Variants in PARP16 observed in about 807,000 individuals in gnomAD.
PARP16 encodes protein mono-ADP-ribosyltransferase PARP16.
A neutral mutation model predicts 35.0 loss-of-function variants in PARP16; 31 were observed. That is an observed-to-expected ratio of 0.88 (90% CI 0.66 to 1.19). The LOEUF (loss-of-function observed/expected upper bound fraction) is 1.19. Among genes scored for constraint, PARP16 ranks in the 50% most tolerant of loss-of-function variants. The pLI is 0.00. For synonymous variants in PARP16, 162 were observed against 169.5 expected, an observed-to-expected ratio of 0.96 and a Z score of 0.34; for missense variants, 424 against 411.2, an observed-to-expected ratio of 1.03 and a Z score of -0.27.
chr15:65,244,749 T>A (rs566352102), intron 3 of PARP16, among the ~76,000 whole-genome samples: 12 of 152,378 alleles, frequency 7.9e-5, no homozygotes. Context: ...AAGTGTTCAA[T>A]GACTATTTGT....
rs1288970234 is a variant in PARP16 at position 65,268,370 on chromosome 15, A to AGTGGGGCTGGATGAGT, written c.313-1603_313-1602insACTCATCCAGCCCCAC. Among the ~76,000 whole-genome samples the AGTGGGGCTGGATGAGT allele has an allele frequency of 8.5e-4, 130 of 152,302 alleles. 1 individual carries two copies. The East Asian group carries it at 0.019, about 23-fold the overall frequency. ...AGCTGAAGCCCCAGAAATGTAAGTGAGGCCACCCTAGCTCATCCAGCCAAG... is the reference window on the plus strand; with the variant it reads ...AGCTGAAGCCCCAGAAATGTAAGTGAGTGGGGCTGGATGAGTGGCCACCCTAGCTCATCCAGCCAAG... On this transcript the variant is annotated intron_variant, in intron 2 of 5. Transcript: ENST00000649807.
chr15:65,257,453 GAAATA>G (rs1056902277), downstream of PARP16, among the ~76,000 whole-genome samples: 7 of 148,706 alleles, frequency 4.7e-5, no homozygotes, highest in African/African-American at 1.5e-4. Flanking sequence ...ATTTAAGAAA[GAAATA>G]AAATAAAAAT....
intron 1 of PARP16, among the ~76,000 whole-genome samples, chr15:65,280,110 T>C (rs886200641): frequency 2.6e-5 from 4 of 151,908 alleles, no homozygotes; most frequent in African/African-American, 2.4e-5. Flanking sequence ...CAATTTCCAA[T>C]ATGGAAATAA....
chr15:65,284,388 G>A (rs1016500108), intron 1 of PARP16, among the ~76,000 whole-genome samples: 1 of 126,918 alleles, frequency 7.9e-6, no homozygotes, highest in Non-Finnish European at 1.6e-5. Flanking sequence ...TGTTGCCCAG[G>A]CTGGAGTGCA....
Position 65,266,555 on chromosome 15 carries a change from G to A in PARP16, c.519+7C>T. The stretch of plus-strand genomic sequence containing the variant: ...CCCACATCAGCAGGGTGTCCCTTAG[G>A]CCCCACCTTGTTCAGATGGCAGTGC... On this transcript the variant is annotated splice_region_variant and intron_variant, in intron 3 of 5. Coordinates refer to ENST00000649807, the MANE Select transcript of PARP16 (RefSeq NM_001316943.2). 5 of 1,609,384 alleles carry A rather than the reference G, an allele frequency of 3.1e-6. No homozygotes were observed. The highest frequency in any genetic ancestry group is 4.3e-6 in the Non-Finnish European group (5 of 1,175,794).
At chr15:65,263,900 C>G (rs1040095470) in intron 3 of PARP16, among the ~76,000 whole-genome samples, 5 of 152,118 alleles carry the variant, frequency 3.3e-5, no homozygotes, top group African/African-American at 1.2e-4. Context: ...TGCAAAGTCA[C>G]ACCCTTAGGT....
At chr15:65,284,076 AAAG>A (rs1221224297) in intron 1 of PARP16, among the ~76,000 whole-genome samples, 2 of 152,308 alleles carry the variant, frequency 1.3e-5, no homozygotes, top group South Asian at 4.1e-4. Context: ...GAATGATAGC[AAAG>A]GAGGAACCAA....
chr15:65,248,541 G>T (rs559460268), intron 2 of PARP16, among the ~76,000 whole-genome samples: 2 of 152,084 alleles, frequency 1.3e-5, no homozygotes, highest in African/African-American at 4.8e-5. Context: ...ACTTTCTACC[G>T]AGGAACAGCT....
At chr15:65,250,221 G>A (rs567305639) in intron 2 of PARP16, among the ~76,000 whole-genome samples, 12 of 148,336 alleles carry the variant, frequency 8.1e-5, no homozygotes, top group Middle Eastern at 3.5e-3. Flanking sequence ...AGGTTCAAGC[G>A]ATTCTCCTGT....
intron 5 of PARP16, 97 bp downstream of exon 5, chr15:65,260,788 C>T (rs776303296): frequency 3.1e-5 from 32 of 1,045,406 alleles, no homozygotes; most frequent in South Asian, 1.7e-4. Flanking sequence ...TGACATCTAG[C>T]GGAGGTCTAA....
downstream of PARP16, among the ~76,000 whole-genome samples, chr15:65,232,088 T>C (rs984891471): frequency 3.9e-5 from 6 of 152,114 alleles, no homozygotes; most frequent in African/African-American, 9.7e-5. Context: ...CTAAAGCACA[T>C]AGCAAAAGAG....
intron 3 of PARP16, among the ~76,000 whole-genome samples, chr15:65,263,532 G>A (rs565397307): frequency 6.6e-6 from 1 of 152,306 alleles, no homozygotes; most frequent in Non-Finnish European, 1.5e-5. Context: ...TTAACTGATT[G>A]TGGATTTGGC....
At chr15:65,268,587 A>G (rs989459299) in intron 2 of PARP16, among the ~76,000 whole-genome samples, 1 of 152,178 alleles carries the variant, frequency 6.6e-6, no homozygotes, top group African/African-American at 2.4e-5. Context: ...CTGGGACTAT[A>G]GGTGCAACTA....
chr15:65,254,645 G>A (rs529342738), downstream of PARP16, among the ~76,000 whole-genome samples: 1 of 152,150 alleles, frequency 6.6e-6, no homozygotes, highest in South Asian at 2.1e-4. Context: ...CCAGCCCCAG[G>A]GCCTAAGAAT....
intron 2 of PARP16, among the ~76,000 whole-genome samples, chr15:65,268,901 T>A (rs2089993071): frequency 6.6e-6 from 1 of 151,734 alleles, no homozygotes; most frequent in South Asian, 2.1e-4. Context: ...ATTACAGGCA[T>A]GTGCCACAAT....
At chr15:65,240,820 A>G (rs2089053996) in intron 3 of PARP16, among the ~76,000 whole-genome samples, 2 of 152,022 alleles carry the variant, frequency 1.3e-5, no homozygotes, top group African/African-American at 4.8e-5. Flanking sequence ...TTTTTGAGAA[A>G]TTGCAAAACT....
At chr15:65,274,418 C>CA (rs915001606) in intron 1 of PARP16, among the ~76,000 whole-genome samples, 3 of 150,578 alleles carry the variant, frequency 2.0e-5, no homozygotes, top group Admixed American at 6.6e-5. Context: ...AAACAAACAA[C>CA]AAAAAAAAAT....
intron 3 of PARP16, among the ~76,000 whole-genome samples, chr15:65,246,582 G>T (rs1439227079): frequency 6.6e-6 from 1 of 152,330 alleles, no homozygotes; most frequent in East Asian, 1.9e-4. Context: ...TCTGCCCTGT[G>T]GCCTGATCCT....
Position 65,258,402 on chromosome 15 carries a change from G to A in PARP16, c.*1005C>T, listed in dbSNP as rs2089579127. ...CTCTGAAGGAGGCTCCATCCACATGGATCTGTGGCACACTGGGGCAGGCCT... is the reference window on the plus strand; with the variant it reads ...CTCTGAAGGAGGCTCCATCCACATGAATCTGTGGCACACTGGGGCAGGCCT... On this transcript the variant is annotated 3_prime_UTR_variant, in exon 6 of 6. Transcript: ENST00000649807. 6.6e-6 allele frequency: 1 copy of A among 152,250 alleles called. No homozygotes were observed. Among genetic ancestry groups the A allele is most frequent in the African/African-American group, 2.4e-5 (1 of 41,458 alleles). 9.4% of individuals were successfully genotyped at this position (152,250 alleles called of 1,614,324 possible).
Sources: allele counts gnomAD v4.1 joint callset (sites outside exome capture counted in the v4.1 genomes callset), GRCh38; gene constraint gnomAD v4.1.1; transcripts MANE v1.5; gene names NCBI Gene and HGNC (gene_info 2026-07-23, HGNC 2026-07-21).